CBX1: variants seen among roughly 807,000 people sequenced by gnomAD.
CBX1 encodes chromobox protein homolog 1.
CBX1 carries 10 observed loss-of-function variants against 25.1 expected under a neutral mutation model. That is an observed-to-expected ratio of 0.40 (90% CI 0.25 to 0.68). The LOEUF (loss-of-function observed/expected upper bound fraction) is 0.68, where lower values mean the gene tolerates loss of function less well. Ranked by LOEUF, CBX1 falls within the 30% of genes least tolerant of loss-of-function variation. The pLI is 0.40. For missense variants in CBX1, 106 were observed against 218.5 expected, an observed-to-expected ratio of 0.49 and a Z score of 3.25; for synonymous variants, 63 against 79.4, an observed-to-expected ratio of 0.79 and a Z score of 1.10.
intron 1 of CBX1, among the ~76,000 whole-genome samples, chr17:48,090,187 T>TA (rs1389579825): frequency 6.6e-6 from 1 of 151,966 alleles, no homozygotes; most frequent in Admixed American, 6.6e-5. Context: ...CAGGCACGAG[T>TA]CACTGCGCCC....
chr17:48,071,628 A>G lies in CBX1; in HGVS notation c.414-49T>C, dbSNP rs777249827. On this transcript the variant is annotated intron_variant, in intron 4 of 4. Transcript: ENST00000225603. ...CTTTGAGACCAGGTGCTGGTGGTCTATCCTAAGTTGGATAACCCAGGGGAC... is the reference window on the plus strand; with the variant it reads ...CTTTGAGACCAGGTGCTGGTGGTCTGTCCTAAGTTGGATAACCCAGGGGAC... The G allele has an allele frequency of 5.9e-6, 9 of 1,515,862 alleles. No homozygotes were observed. The East Asian group carries it at 6.9e-5, about 12-fold the overall frequency. The allele number at this position is 1,515,862 out of a possible 1,614,324, so 93.9% of individuals were successfully genotyped here.
rs1029692588 is a variant in CBX1, at chr17:48,101,278, C to T, written c.-48G>A. 2 of 986,466 alleles carry T rather than the reference C, an allele frequency of 2.0e-6. No individual in the cohort carries two copies. Among genetic ancestry groups the T allele is most frequent in the African/African-American group, 1.7e-5 (1 of 57,252 alleles). The allele number at this position is 986,466 out of a possible 1,614,324, so 61.1% of individuals were successfully genotyped here. A position where few individuals can be genotyped will look rare whatever the true frequency, so the allele number is the denominator to read the frequency against. On this transcript the variant is annotated 5_prime_UTR_variant, in exon 1 of 5. Coordinates refer to ENST00000225603, the MANE Select transcript of CBX1 (RefSeq NM_001127228.2). Reference sequence around the variant, plus strand: ...CAGCGGGCTCCTCACCTCAGAGCAGCGCCCAAGAGCCCGAGAGGAATCGGT... The same window carrying T: ...CAGCGGGCTCCTCACCTCAGAGCAGTGCCCAAGAGCCCGAGAGGAATCGGT...
intron 1 of CBX1, among the ~76,000 whole-genome samples, chr17:48,081,643 T>C (rs1314704811): frequency 6.6e-6 from 1 of 152,070 alleles, no homozygotes; most frequent in Non-Finnish European, 1.5e-5. Context: ...GATTTCACCA[T>C]GTTGGCCAGG....
Position 48,077,467 on chromosome 17 carries a change from T to TTTA in CBX1, c.-37-427_-37-426insTAA, listed in dbSNP as rs1555577820. On this transcript the variant is annotated intron_variant, in intron 1 of 4. Transcript: ENST00000225603. ...TTTGTTTTTTTTGTTTTTTTTTTTT[T>TTTA]AGTAGAGACGGGATTTCACTATGTG... Among the ~76,000 whole-genome samples the TTTA allele has an allele frequency of 1.5e-4, 23 of 148,496 alleles. No homozygotes were observed. In the South Asian group the frequency reaches 4.7e-3, roughly 30 times the overall value.
chr17:48,080,421 T>G (rs750391149), intron 1 of CBX1, among the ~76,000 whole-genome samples: 1 of 151,996 alleles, frequency 6.6e-6, no homozygotes, highest in Non-Finnish European at 1.5e-5. Flanking sequence ...TGAAACAAAA[T>G]TGATCAACAA....
intron 1 of CBX1, among the ~76,000 whole-genome samples, chr17:48,090,590 C>G (rs1017884488): frequency 6.6e-6 from 1 of 152,212 alleles, no homozygotes; most frequent in Non-Finnish European, 1.5e-5. Flanking sequence ...TCATTTTCAA[C>G]ACTAGCCAGT....
chr17:48,077,271 T>G (rs2037683498), intron 1 of CBX1, among the ~76,000 whole-genome samples: 1 of 151,348 alleles, frequency 6.6e-6, no homozygotes, highest in South Asian at 2.1e-4. Context: ...TTTTTTTTTT[T>G]GAGAGACGGA....
chr17:48,073,252 A>C (rs2037642740), intron 4 of CBX1, among the ~76,000 whole-genome samples: 1 of 152,128 alleles, frequency 6.6e-6, no homozygotes, highest in African/African-American at 2.4e-5. Flanking sequence ...CTAGAACCTT[A>C]ATAACAGGAA....
intron 4 of CBX1, among the ~76,000 whole-genome samples, chr17:48,074,119 T>TA (rs2037652573): frequency 6.6e-6 from 1 of 152,312 alleles, no homozygotes; most frequent in African/African-American, 2.4e-5. Flanking sequence ...TCAGTGGTGC[T>TA]AAAGTTAGGC....
At chr17:48,088,969 G>A (rs1484539530) in intron 1 of CBX1, among the ~76,000 whole-genome samples, 1 of 151,942 alleles carries the variant, frequency 6.6e-6, no homozygotes, top group Non-Finnish European at 1.5e-5. Flanking sequence ...CAGCAAGACT[G>A]TCTCAATAAA....
chr17:48,079,440 T>C (rs867992415), intron 1 of CBX1, among the ~76,000 whole-genome samples: 19 of 152,244 alleles, frequency 1.2e-4, no homozygotes, highest in African/African-American at 4.6e-4. Flanking sequence ...CTTTTCTGAA[T>C]TGAACTTACG....
At chr17:48,091,593 T>C (rs966993622) in intron 1 of CBX1, among the ~76,000 whole-genome samples, 2 of 138,848 alleles carry the variant, frequency 1.4e-5, no homozygotes, top group Non-Finnish European at 3.0e-5. Flanking sequence ...CAGGCTAGAA[T>C]GCGGGGGCAT....
At position 48,101,409 on chromosome 17, in the gene CBX1, A is replaced by C. The variant is rs2063409310; in HGVS notation, c.-179T>G. Reference sequence around the variant, plus strand: ...GTCCCTCACTGAAGCGGCGTACCGCAGGCCCCGGCCAACGGCCCTCCCCTC... The same window carrying C: ...GTCCCTCACTGAAGCGGCGTACCGCCGGCCCCGGCCAACGGCCCTCCCCTC... On this transcript the variant is annotated 5_prime_UTR_variant, in exon 1 of 5. Coordinates refer to ENST00000225603, the MANE Select transcript of CBX1 (RefSeq NM_001127228.2). 2 of 985,532 alleles carry C rather than the reference A, an allele frequency of 2.0e-6. No homozygotes were observed. The highest frequency in any genetic ancestry group is 2.4e-6 in the Non-Finnish European group (2 of 829,996). The allele number at this position is 985,532 out of a possible 1,614,324, so 61.0% of individuals were successfully genotyped here.
At chr17:48,083,711 C>A (rs1206883898) in intron 1 of CBX1, among the ~76,000 whole-genome samples, 3 of 149,784 alleles carry the variant, frequency 2.0e-5, no homozygotes, top group African/African-American at 7.6e-5. Flanking sequence ...GTAATCCCAG[C>A]TACTTGGAAG....
Position 48,070,554 on chromosome 17 carries a change from T to G in CBX1, c.*881A>C, listed in dbSNP as rs538158046. The stretch of plus-strand genomic sequence containing the variant: ...CTTCCTAACACCTCAGCCAGTGGCT[T>G]GGATGAACAAGCTGATATTTATAAC... On this transcript the variant is annotated 3_prime_UTR_variant, in exon 5 of 5. Transcript: ENST00000225603. 1 of 152,778 alleles carries G rather than the reference T, an allele frequency of 6.5e-6. No individual in the cohort carries two copies. The highest frequency in any genetic ancestry group is 1.9e-4 in the East Asian group (1 of 5,188). The allele number at this position is 152,778 out of a possible 1,614,324, so 9.5% of individuals were successfully genotyped here.
chr17:48,071,422 G>T lies in CBX1; in HGVS notation c.*13C>A. On this transcript the variant is annotated 3_prime_UTR_variant, in exon 5 of 5. Coordinates refer to ENST00000225603, the MANE Select transcript of CBX1 (RefSeq NM_001127228.2). ...CCACAGTCAGATGTGACAGGGGCTG[G>T]TACTCAGGAGCGTTAGTTCTTGTCA... 1 of 1,599,604 alleles carries T rather than the reference G, an allele frequency of 6.3e-7. No homozygotes were observed. Among genetic ancestry groups the T allele is most frequent in the Non-Finnish European group, 8.5e-7 (1 of 1,173,786 alleles).
chr17:48,097,487 C>T (rs796671606), intron 1 of CBX1, among the ~76,000 whole-genome samples: 9 of 150,664 alleles, frequency 6.0e-5, no homozygotes, highest in Non-Finnish European at 8.9e-5. Flanking sequence ...GTTGTCGGGG[C>T]CCCCTGGTAG....
At chr17:48,078,107 G>A (rs1309151118) in intron 1 of CBX1, among the ~76,000 whole-genome samples, 1 of 151,136 alleles carries the variant, frequency 6.6e-6, no homozygotes, top group Non-Finnish European at 1.5e-5. Context: ...CTAAAAATGT[G>A]CACATATCAA....
intron 1 of CBX1, among the ~76,000 whole-genome samples, chr17:48,091,761 T>G (rs1448558253): frequency 6.6e-6 from 1 of 151,718 alleles, no homozygotes; most frequent in East Asian, 1.9e-4. Context: ...CAGGCTGGTC[T>G]CAAACTCCTG....
Sources: gnomAD v4.1 joint callset for allele counts (sites outside exome capture counted in the v4.1 genomes callset) on GRCh38, gnomAD v4.1.1 for gene constraint, MANE v1.5 for transcripts, NCBI Gene and HGNC (gene_info 2026-07-23, HGNC 2026-07-21) for gene names.